GLRA2: variants seen among roughly 807,000 people sequenced by gnomAD.
The protein encoded by GLRA2 is glycine receptor subunit alpha-2.
A neutral mutation model predicts 31.6 loss-of-function variants in GLRA2; 11 were observed. The observed-to-expected ratio is 0.35, with a 90% CI of 0.22 to 0.58. GLRA2 has a LOEUF of 0.58. Among genes scored for constraint, GLRA2 ranks in the 20% least tolerant of loss-of-function variants. The pLI is 0.84. For missense variants in GLRA2, 212 were observed against 351.8 expected, an observed-to-expected ratio of 0.60 and a Z score of 3.18; for synonymous variants, 132 against 134.0, an observed-to-expected ratio of 0.99 and a Z score of 0.10.
chrX:14,595,664 G>T (rs1396729770), intron 4 of GLRA2, among the ~76,000 whole-genome samples: 1 of 110,994 alleles, frequency 9.0e-6, no homozygotes, highest in Non-Finnish European at 1.9e-5. Context: ...AGACCAAAAG[G>T]GCCCTCTAAG....
intron 7 of GLRA2, among the ~76,000 whole-genome samples, chrX:14,634,657 T>C (rs750405908): frequency 8.9e-6 from 1 of 111,902 alleles, no homozygotes; most frequent in African/African-American, 3.2e-5. Flanking sequence ...TATTGCATGG[T>C]TAGTAATGAA....
chrX:14,461,418 T>G, the GLRA2 span, among the ~76,000 whole-genome samples: 1 of 111,709 alleles, frequency 9.0e-6, no homozygotes, highest in Non-Finnish European at 1.9e-5. Context: ...ATTTTCTGTC[T>G]CGTTGATCTG....
At chrX:14,507,689 C>CTTTTTTTTTTTTT in the GLRA2 span, among the ~76,000 whole-genome samples, 52 of 46,639 alleles carry the variant, frequency 1.1e-3, 4 homozygotes, top group African/African-American at 2.8e-3. Flanking sequence ...GAAAGACATT[C>CTTTTTTTTTTTTT]TTTTTTTTTT....
At chrX:14,659,560 C>T (rs970048848) in intron 7 of GLRA2, among the ~76,000 whole-genome samples, 1 of 111,368 alleles carries the variant, frequency 9.0e-6, no homozygotes, top group Non-Finnish European at 1.9e-5. Context: ...TCTCATTGCC[C>T]TTGCATCCTG....
chrX:14,562,711 T>C (rs2089749074), intron 2 of GLRA2, among the ~76,000 whole-genome samples: 1 of 112,125 alleles, frequency 8.9e-6, no homozygotes, highest in African/African-American at 3.2e-5. Context: ...CGTTCCTCTG[T>C]GTAAACACAT....
chrX:14,628,581 G>T (rs1008605471), intron 7 of GLRA2, among the ~76,000 whole-genome samples: 8 of 111,930 alleles, frequency 7.1e-5, no homozygotes, highest in Non-Finnish European at 1.5e-4. Context: ...AAGGAAACTG[G>T]TGCTTTTCCA....
intron 7 of GLRA2, among the ~76,000 whole-genome samples, chrX:14,688,235 C>T (rs5935793): frequency 0.23 from 24,959 of 110,893 alleles, 2,127 homozygotes; most frequent in Non-Finnish European, 0.25. Context: ...CCCAGTTAGG[C>T]TACTCGGGGG....
At chrX:14,588,824 A>T (rs1435234576) in intron 4 of GLRA2, among the ~76,000 whole-genome samples, 2 of 109,746 alleles carry the variant, frequency 1.8e-5, no homozygotes, top group Non-Finnish European at 3.8e-5. Flanking sequence ...TAAGTATTTC[A>T]TTTTTTTTGT....
chrX:14,466,611 C>G, the GLRA2 span, among the ~76,000 whole-genome samples: 1 of 111,170 alleles, frequency 9.0e-6, no homozygotes, highest in African/African-American at 3.3e-5. Flanking sequence ...GTGTAATGAG[C>G]TGCTTGTGTA....
intron 8 of GLRA2, among the ~76,000 whole-genome samples, chrX:14,724,157 T>C (rs1411016391): frequency 8.9e-6 from 1 of 111,894 alleles, no homozygotes; most frequent in Non-Finnish European, 1.9e-5. Context: ...CGTATATGTA[T>C]ATGTGTGTAT....
intron 8 of GLRA2, among the ~76,000 whole-genome samples, chrX:14,708,608 A>G (rs2091664533): frequency 1.8e-5 from 2 of 111,689 alleles, no homozygotes; most frequent in African/African-American, 6.5e-5. Flanking sequence ...TGGACACAAC[A>G]TCTGCCCAAT....
chrX:14,539,884 C>G (rs1216544910), intron 2 of GLRA2, among the ~76,000 whole-genome samples: 2 of 111,393 alleles, frequency 1.8e-5, no homozygotes, highest in African/African-American at 3.3e-5. Flanking sequence ...CCACACTTGC[C>G]TATGCACTGT....
chrX:14,620,472 A>G (rs931116136), intron 7 of GLRA2, among the ~76,000 whole-genome samples: 2 of 110,793 alleles, frequency 1.8e-5, no homozygotes, highest in African/African-American at 6.6e-5. Context: ...CTTTTTCTTT[A>G]TCTAGCAAGA....
intron 4 of GLRA2, among the ~76,000 whole-genome samples, chrX:14,582,228 C>G (rs1464263624): frequency 1.1e-5 from 1 of 87,246 alleles, no homozygotes; most frequent in Non-Finnish European, 2.3e-5. Flanking sequence ...TCCCCACCCC[C>G]ACAACAGTCC....
chrX:14,546,429 T>C (rs1044434443), intron 2 of GLRA2, among the ~76,000 whole-genome samples: 10 of 111,445 alleles, frequency 9.0e-5, no homozygotes, highest in African/African-American at 2.9e-4. Flanking sequence ...ACAAAGTTTA[T>C]AACATGCAGG....
the GLRA2 span, among the ~76,000 whole-genome samples, chrX:14,495,666 T>G: frequency 9.1e-6 from 1 of 109,304 alleles, no homozygotes; most frequent in Non-Finnish European, 1.9e-5. Flanking sequence ...CCTTATATAC[T>G]TATATAAGGA....
chrX:14,727,904 T>A (rs1157218665), intron 8 of GLRA2, among the ~76,000 whole-genome samples: 1 of 111,542 alleles, frequency 9.0e-6, no homozygotes, highest in Non-Finnish European at 1.9e-5. Context: ...TCATCAATTG[T>A]CTCCCAGCAC....
At chrX:14,494,576 C>T in the GLRA2 span, among the ~76,000 whole-genome samples, 3 of 111,278 alleles carry the variant, frequency 2.7e-5, no homozygotes, top group Admixed American at 2.9e-4. Flanking sequence ...TTCCCCAATC[C>T]TAGCTATATT....
chrX:14,457,980 C>A, the GLRA2 span, among the ~76,000 whole-genome samples: 3 of 110,375 alleles, frequency 2.7e-5, no homozygotes, highest in Admixed American at 2.9e-4. Flanking sequence ...CCCATTAACT[C>A]GTCATTTAAC....
Sources: gnomAD v4.1 joint callset for allele counts (sites outside exome capture counted in the v4.1 genomes callset) on GRCh38, gnomAD v4.1.1 for gene constraint, MANE v1.5 for transcripts, NCBI Gene and HGNC (gene_info 2026-07-23, HGNC 2026-07-21) for gene names.